GPR171: variants seen among roughly 807,000 people sequenced by gnomAD.
GPR171 encodes G protein-coupled receptor 171, also known as F730001G15Rik.
Under a neutral mutation model 16.7 loss-of-function variants are expected in GPR171, and 14 were observed. The ratio of observed to expected loss-of-function variants is 0.84; its 90% confidence interval spans 0.55 to 1.31. The LOEUF (loss-of-function observed/expected upper bound fraction) is 1.31. Ranked by LOEUF, GPR171 falls within the 40% of genes most tolerant of loss-of-function variation. The pLI is 0.00. For missense variants in GPR171, 337 were observed against 378.9 expected (o/e 0.89, Z 0.92); for synonymous variants, 134 against 135.6 (o/e 0.99, Z 0.08).
In GPR171 at chr3:151,200,491, C is replaced by T. The variant is rs116192001; in HGVS notation, c.-54+418G>A. On this transcript the variant is annotated intron_variant, in intron 2 of 2. Coordinates refer to ENST00000309180, the MANE Select transcript of GPR171 (RefSeq NM_013308.4). ...AGCAAATATAAGTTATAGTGACCAA[C>T]ATTGAAGGCCAGATCAGCTACTCTG... 6.3e-3 allele frequency among the ~76,000 whole-genome samples: 965 copies of T among 152,312 alleles called. 10 individuals are homozygous for T. The highest frequency in any genetic ancestry group is 0.022 in the African/African-American group (927 of 41,564).
At chr3:151,202,905 G>C (rs1725832274) in intron 1 of GPR171, among the ~76,000 whole-genome samples, 199 bp downstream of exon 1, 1 of 152,132 alleles carries the variant, frequency 6.6e-6, no homozygotes, top group Non-Finnish European at 1.5e-5. Flanking sequence ...CTGTCTTTTG[G>C]AGACAGATGA....
Position 151,198,431 on chromosome 3 carries a change from G to A in GPR171, c.956C>T (p.Ala319Val), listed in dbSNP as rs758987046. 1.0e-5 allele frequency: 16 copies of A among 1,591,656 alleles called. No homozygotes were observed. Among genetic ancestry groups the A allele is most frequent in the Middle Eastern group, 3.3e-4 (2 of 5,998 alleles). ...TAGCACAAAAAATCCTGTCTTTTAT[G>A]CATTATTTTCACATCTTAATTTTTC... ...QKEKLRCENN[A>V] The change falls in exon 3 of 3, where the codon GCA becomes GTA. Residue 319 changes from alanine to valine, a missense_variant. By Grantham distance (64) the Ala-to-Val change is moderately conservative. Transcript: ENST00000309180.
chr3:151,201,980 T>A (rs1242352949), intron 1 of GPR171, among the ~76,000 whole-genome samples: 1 of 152,220 alleles, frequency 6.6e-6, no homozygotes, highest in African/African-American at 2.4e-5. Context: ...AGAGAAGAAT[T>A]AGAGTAATTT....
intron 1 of GPR171, among the ~76,000 whole-genome samples, chr3:151,202,618 T>C (rs1398374568): frequency 6.6e-6 from 1 of 152,122 alleles, no homozygotes; most frequent in African/African-American, 2.4e-5. Flanking sequence ...TGAAGTGAGC[T>C]GAGATCGCAC....
intron 1 of GPR171, among the ~76,000 whole-genome samples, chr3:151,202,064 ATCAT>A (rs1559872436): frequency 1.3e-5 from 2 of 152,242 alleles, no homozygotes. Context: ...GAAATGAATA[ATCAT>A]TCAGTAATTC....
Position 151,198,375 on chromosome 3 carries a change from T to G in GPR171, c.*52A>C. 7.8e-7 allele frequency: 1 copy of G among 1,288,490 alleles called. No individual in the cohort carries two copies. Among genetic ancestry groups the G allele is most frequent in the South Asian group, 1.9e-5 (1 of 51,408 alleles). 79.8% of individuals were successfully genotyped at this position (1,288,490 alleles called of 1,614,324 possible). A position where few individuals can be genotyped will look rare whatever the true frequency, so the allele number is the denominator to read the frequency against. ...TTTTTTTATCTTTCAAAGCTATAAT[T>G]AACTTTATGGTCCAGTAAGGCCAGA... is the stretch of plus-strand genomic sequence containing the variant. On this transcript the variant is annotated 3_prime_UTR_variant, in exon 3 of 3. Transcript: ENST00000309180.
chr3:151,198,908 T>G lies in GPR171; in HGVS notation c.479A>C (p.Lys160Thr). 1.9e-6 allele frequency: 3 copies of G among 1,614,106 alleles called. No individual in the cohort carries two copies. Among genetic ancestry groups the G allele is most frequent in the Non-Finnish European group, 2.5e-6 (3 of 1,180,016 alleles). Residue 160 changes from lysine to threonine, a missense_variant, in exon 3 of 3, where the codon AAG (lysine) becomes ACG (threonine). Transcript: ENST00000309180. The part of the protein sequence containing the change: ...MMIPIKDIKE[K>T]SNVGCMEFKK... Reference sequence around the variant, plus strand: ...AAACTCCATACAACCCACATTTGACTTTTCCTTGATGTCTTTGATGGGAAT... The same window carrying G: ...AAACTCCATACAACCCACATTTGACGTTTCCTTGATGTCTTTGATGGGAAT...
chr3:151,198,356 TATCTTTCAAAGC>T lies in GPR171; in HGVS notation c.*59_*70del. On this transcript the variant is annotated 3_prime_UTR_variant, in exon 3 of 3. Coordinates refer to ENST00000309180, the MANE Select transcript of GPR171 (RefSeq NM_013308.4). ...AGTTTTTTTTTGTTTTTTTTTTTTT[TATCTTTCAAAGC>T]TATAATTAACTTTATGGTCCAGTAA... 2.7e-6 allele frequency: 3 copies of T among 1,131,164 alleles called. No homozygotes were observed. Among genetic ancestry groups the T allele is most frequent in the Non-Finnish European group, 3.6e-6 (3 of 832,020 alleles). The allele number at this position is 1,131,164 out of a possible 1,614,324, so 70.1% of individuals were successfully genotyped here. A position where few individuals can be genotyped will look rare whatever the true frequency, so the allele number is the denominator to read the frequency against.
chr3:151,202,313 C>T (rs73021108), intron 1 of GPR171, among the ~76,000 whole-genome samples: 6,245 of 152,286 alleles, frequency 0.041, 420 homozygotes, highest in African/African-American at 0.14. Context: ...AGAAGTAGTG[C>T]AGCAACAACA....
intron 1 of GPR171, among the ~76,000 whole-genome samples, chr3:151,202,635 A>C (rs1470322623): frequency 1.3e-5 from 2 of 152,220 alleles, no homozygotes; most frequent in Non-Finnish European, 2.9e-5. Context: ...GCACCACTGC[A>C]CTCCAGCCTG....
Position 151,199,455 on chromosome 3 carries a change from G to C in GPR171, c.-53-16C>G. Reference sequence around the variant, plus strand: ...TTCTAAGACTCTGTAAAAGAAACAAGGAAAGGGAGGTTAGTAATTAAAATT... The same window carrying C: ...TTCTAAGACTCTGTAAAAGAAACAACGAAAGGGAGGTTAGTAATTAAAATT... On this transcript the variant is annotated splice_polypyrimidine_tract_variant and intron_variant, in intron 2 of 2. Coordinates refer to ENST00000309180, the MANE Select transcript of GPR171 (RefSeq NM_013308.4). The C allele has an allele frequency of 7.6e-7, 1 of 1,315,916 alleles. No individual in the cohort carries two copies. The highest frequency in any genetic ancestry group is 1.0e-6 in the Non-Finnish European group (1 of 959,010). 81.5% of individuals were successfully genotyped at this position (1,315,916 alleles called of 1,614,324 possible).
intron 1 of GPR171, among the ~76,000 whole-genome samples, chr3:151,202,727 T>G (rs1448162935): frequency 1.3e-5 from 2 of 152,186 alleles, no homozygotes; most frequent in African/African-American, 2.4e-5. Flanking sequence ...GGAATCACAG[T>G]GGAATCTTCT....
In GPR171 at chr3:151,198,195, C is replaced by T. The variant is rs1724937260; in HGVS notation, c.*232G>A. On this transcript the variant is annotated 3_prime_UTR_variant, in exon 3 of 3. Transcript: ENST00000309180. ...AGGATTTTACATTCGTTCAATGAGACTCTTTAGTTTTTTGTACAAATATTT... is the reference window on the plus strand; with the variant it reads ...AGGATTTTACATTCGTTCAATGAGATTCTTTAGTTTTTTGTACAAATATTT... 1 of 371,192 alleles carries T rather than the reference C, an allele frequency of 2.7e-6. No homozygotes were observed. The highest frequency in any genetic ancestry group is 4.8e-6 in the Non-Finnish European group (1 of 207,508). 23.0% of individuals were successfully genotyped at this position (371,192 alleles called of 1,614,324 possible).
In GPR171 at chr3:151,199,182, C is replaced by G; in HGVS notation, c.205G>C (p.Val69Leu). 1 of 1,614,162 alleles carries G rather than the reference C, an allele frequency of 6.2e-7. No individual in the cohort carries two copies. Among genetic ancestry groups the G allele is most frequent in the Middle Eastern group, 1.6e-4 (1 of 6,062 alleles). Residue 69 changes from valine to leucine, a missense_variant, in exon 3 of 3, where the codon GTG becomes CTG. Physicochemically the swap from Val to Leu is conservative, Grantham distance 32 (BLOSUM62 1). Transcript: ENST00000309180. ...ADFLLTLALP[V>L]KIVVDLGVAP... Reference sequence around the variant, plus strand: ...ACACCCAAGTCAACAACAATTTTCACTGGTAATGCCAGAGTAAGCAGGAAA... The same window carrying G: ...ACACCCAAGTCAACAACAATTTTCAGTGGTAATGCCAGAGTAAGCAGGAAA...
In GPR171 at chr3:151,199,245, A is replaced by T. The variant is rs773712549; in HGVS notation, c.142T>A (p.Cys48Ser). The change falls in exon 3 of 3, where the codon TGT becomes AGT. Residue 48 changes from cysteine (C) to serine (S), a missense_variant. Cys to Ser is a moderately radical substitution (Grantham distance 112). Transcript: ENST00000309180. ...AAATTAATTAAGTAGATGCTCACAC[A>T]CCTGTGATTCGTATTCTTCTGTATA... ...AFIQKNTNHR[C>S]VSIYLINLLT... 1.9e-6 allele frequency: 3 copies of T among 1,614,028 alleles called. No homozygotes were observed. In the South Asian group the frequency reaches 3.3e-5, roughly 18 times the overall value.
Position 151,199,402 on chromosome 3 carries a change from G to A in GPR171, c.-16C>T. ...TGTTTGTCATCTTGAGGGAAAGTAA[G>A]GATGACTGCTTATTGAAAAGAAAAA... On this transcript the variant is annotated 5_prime_UTR_variant, in exon 3 of 3. Coordinates refer to ENST00000309180, the MANE Select transcript of GPR171 (RefSeq NM_013308.4). 6.4e-7 allele frequency: 1 copy of A among 1,574,030 alleles called. No homozygotes were observed. Among genetic ancestry groups the A allele is most frequent in the Non-Finnish European group, 8.6e-7 (1 of 1,164,562 alleles).
At chr3:151,202,717 G>T (rs1725805506) in intron 1 of GPR171, among the ~76,000 whole-genome samples, 1 of 152,074 alleles carries the variant, frequency 6.6e-6, no homozygotes, top group Non-Finnish European at 1.5e-5. Context: ...ATTTTCTATG[G>T]GAATCACAGT....
chr3:151,198,789 A>T lies in GPR171; in HGVS notation c.598T>A (p.Cys200Ser). 6.2e-7 allele frequency: 1 copy of T among 1,613,822 alleles called. No individual in the cohort carries two copies. ...CTGTAGAGCTGTCGAATTACAAGGC[A>T]ATTGGATATTAAAATGATGGCTGAG... ...NFSAIILISNCLVIRQLYRNK... is the reference protein window; with the variant it reads ...NFSAIILISNSLVIRQLYRNK... The change falls in exon 3 of 3, where the codon TGC becomes AGC. Residue 200 changes from cysteine to serine, a missense_variant. Transcript: ENST00000309180.
At chr3:151,200,306 T>C (rs1725360104) in intron 2 of GPR171, among the ~76,000 whole-genome samples, 1 of 152,220 alleles carries the variant, frequency 6.6e-6, no homozygotes, top group African/African-American at 2.4e-5. Context: ...ACTCACATGC[T>C]TAGAGCTAAG....
Sources: allele counts gnomAD v4.1 joint callset (sites outside exome capture counted in the v4.1 genomes callset), GRCh38; gene constraint gnomAD v4.1.1; transcripts MANE v1.5; gene names NCBI Gene and HGNC (gene_info 2026-07-23, HGNC 2026-07-21).